The following MACROD2 variants were observed in gnomAD, a reference collection of about 807,000 sequenced individuals.
MACROD2 encodes the protein mono-ADP ribosylhydrolase 2, also known as ADP-ribose glycohydrolase MACROD2.
Under a neutral mutation model 70.4 loss-of-function variants are expected in MACROD2, and 36 were observed. That is an observed-to-expected ratio of 0.51 (90% CI 0.39 to 0.68). The LOEUF is 0.68. MACROD2 is among the 30% of genes least tolerant of loss of function. MACROD2 has a pLI of 0.00. For missense variants in MACROD2, 496 were observed against 538.4 expected, an observed-to-expected ratio of 0.92 and a Z score of 0.78; for synonymous variants, 172 against 178.8, an observed-to-expected ratio of 0.96 and a Z score of 0.30.
intron 3 of MACROD2, among the ~76,000 whole-genome samples, chr20:14,478,817 T>G (rs2084628150): frequency 6.6e-6 from 1 of 152,170 alleles, no homozygotes; most frequent in Non-Finnish European, 1.5e-5. Context: ...TAAGGACAAT[T>G]TAATTTTCCA....
intron 4 of MACROD2, among the ~76,000 whole-genome samples, chr20:14,682,760 G>A (rs6079528): frequency 3.3e-5 from 5 of 152,112 alleles, no homozygotes; most frequent in South Asian, 4.1e-4. Context: ...CCTTGTATAC[G>A]TATTTTTTGC....
At chr20:15,911,850 A>G (rs2065241879) in intron 10 of MACROD2, among the ~76,000 whole-genome samples, 1 of 152,154 alleles carries the variant, frequency 6.6e-6, no homozygotes, top group Admixed American at 6.5e-5. Context: ...TCAACTTTTA[A>G]AATTTGCATG....
intron 3 of MACROD2, among the ~76,000 whole-genome samples, chr20:14,173,296 A>G (rs1020834868): frequency 5.9e-5 from 9 of 152,024 alleles, no homozygotes; most frequent in Non-Finnish European, 8.8e-5. Context: ...TGGTCATTCA[A>G]CTTCTTAAAG....
At chr20:15,966,594 T>A (rs1033640483) in intron 12 of MACROD2, among the ~76,000 whole-genome samples, 2 of 152,180 alleles carry the variant, frequency 1.3e-5, no homozygotes, top group Admixed American at 1.3e-4. Context: ...ATTAGAAAAC[T>A]AAGTGGGCAT....
chr20:15,654,770 C>T (rs1411688385), intron 8 of MACROD2, among the ~76,000 whole-genome samples: 1 of 152,186 alleles, frequency 6.6e-6, no homozygotes, highest in Non-Finnish European at 1.5e-5. Context: ...TCACAAATGT[C>T]ACAGCTTGGG....
chr20:14,921,877 G>GT (rs2074168260), intron 5 of MACROD2, among the ~76,000 whole-genome samples: 1 of 152,186 alleles, frequency 6.6e-6, no homozygotes, highest in African/African-American at 2.4e-5. Context: ...TCCTGTGAAT[G>GT]TACAATCATT....
At chr20:15,191,511 C>G (rs966276937) in intron 5 of MACROD2, among the ~76,000 whole-genome samples, 1 of 152,150 alleles carries the variant, frequency 6.6e-6, no homozygotes, top group Non-Finnish European at 1.5e-5. Flanking sequence ...GTCCCCGAAC[C>G]CAGCCCTTCA....
chr20:14,869,455 C>T (rs1041327), intron 5 of MACROD2, among the ~76,000 whole-genome samples: 23,106 of 151,970 alleles, frequency 0.15, 2,032 homozygotes, highest in Non-Finnish European at 0.2. Flanking sequence ...TGTAGGAAAC[C>T]CACAAAATCA....
intron 3 of MACROD2, among the ~76,000 whole-genome samples, chr20:14,491,525 T>C (rs1303839286): frequency 6.6e-6 from 1 of 152,228 alleles, no homozygotes; most frequent in Non-Finnish European, 1.5e-5. Context: ...GATATGCTTA[T>C]GTAAAATACA....
At chr20:14,968,439 G>T (rs1160361788) in intron 5 of MACROD2, among the ~76,000 whole-genome samples, 4 of 152,092 alleles carry the variant, frequency 2.6e-5, no homozygotes, top group African/African-American at 9.7e-5. Context: ...GACTGTAAAA[G>T]CATAAGAATA....
chr20:14,651,432 C>T (rs1391523814), intron 4 of MACROD2, among the ~76,000 whole-genome samples: 1 of 152,152 alleles, frequency 6.6e-6, no homozygotes, highest in African/African-American at 2.4e-5. Flanking sequence ...CTGGGCTGCA[C>T]ATCCTGGCTT....
intron 8 of MACROD2, among the ~76,000 whole-genome samples, chr20:15,605,152 C>T (rs929198672): frequency 6.6e-6 from 1 of 152,126 alleles, no homozygotes; most frequent in Non-Finnish European, 1.5e-5. Flanking sequence ...TAAATCTTTT[C>T]ACTTTCTTCT....
intron 4 of MACROD2, among the ~76,000 whole-genome samples, chr20:14,528,742 T>C (rs907589151): frequency 6.6e-6 from 1 of 152,142 alleles, no homozygotes; most frequent in African/African-American, 2.4e-5. Flanking sequence ...AAAACGGACA[T>C]GGACCATTGA....
chr20:14,931,873 A>C (rs2074298730), intron 5 of MACROD2, among the ~76,000 whole-genome samples: 1 of 151,776 alleles, frequency 6.6e-6, no homozygotes. Flanking sequence ...ACACATGCAC[A>C]TGCCTGTAAT....
intron 6 of MACROD2, among the ~76,000 whole-genome samples, chr20:15,282,973 G>T (rs745902748): frequency 1.3e-5 from 2 of 152,142 alleles, no homozygotes; most frequent in Admixed American, 1.3e-4. Context: ...TTACAATCAT[G>T]GTAGCAAAGA....
Position 15,640,666 on chromosome 20 carries a change from C to G in MACROD2, c.645+140819C>G, listed in dbSNP as rs561642554. On this transcript the variant is annotated intron_variant, in intron 8 of 17. Transcript: ENST00000684519. Reference sequence around the variant, plus strand: ...CATCCTCAGCTTCTGTTTGAAGGACCTGCAAATTATTCTTGAAGGACAGAT... The same window carrying G: ...CATCCTCAGCTTCTGTTTGAAGGACGTGCAAATTATTCTTGAAGGACAGAT... Among the ~76,000 whole-genome samples the G allele has an allele frequency of 3.9e-5, 6 of 152,352 alleles. No homozygotes were observed. In the East Asian group the frequency reaches 5.8e-4, roughly 15 times the overall value.
intron 5 of MACROD2, among the ~76,000 whole-genome samples, chr20:15,172,923 T>C (rs1416008452): frequency 6.6e-6 from 1 of 152,226 alleles, no homozygotes; most frequent in Non-Finnish European, 1.5e-5. Context: ...TTGAAAGCTT[T>C]CATGCATGTT....
chr20:14,320,999 AC>A (rs1423661249), intron 3 of MACROD2, among the ~76,000 whole-genome samples: 6 of 152,098 alleles, frequency 3.9e-5, no homozygotes, highest in Non-Finnish European at 7.4e-5. Flanking sequence ...AGAGCAGTGA[AC>A]GGTCACTGCT....
chr20:14,383,031 A>G (rs918205248), intron 3 of MACROD2, among the ~76,000 whole-genome samples: 4 of 152,366 alleles, frequency 2.6e-5, no homozygotes, highest in African/African-American at 9.6e-5. Flanking sequence ...ACTTTTGGGA[A>G]CACTGCCCTA....
Sources: gnomAD v4.1 joint callset for allele counts (sites outside exome capture counted in the v4.1 genomes callset) on GRCh38, gnomAD v4.1.1 for gene constraint, MANE v1.5 for transcripts, NCBI Gene and HGNC (gene_info 2026-07-23, HGNC 2026-07-21) for gene names.